Variants in ERC2 observed in about 807,000 individuals in gnomAD.
The protein encoded by ERC2 is ERC protein 2.
A neutral mutation model predicts 114.8 loss-of-function variants in ERC2; 42 were observed. That is an observed-to-expected ratio of 0.37 (90% confidence interval 0.29 to 0.47). ERC2 has a LOEUF of 0.47. Ranked by LOEUF, ERC2 falls within the 20% of genes least tolerant of loss-of-function variation. ERC2 has a pLI of 0.99. For missense variants in ERC2, 939 were observed against 1,150.7 expected, an observed-to-expected ratio of 0.82 and a Z score of 2.66; for synonymous variants, 454 against 425.5, an observed-to-expected ratio of 1.07 and a Z score of -0.82.
intron 2 of ERC2, among the ~76,000 whole-genome samples, chr3:56,348,941 A>G (rs1187666706): frequency 7.3e-5 from 10 of 137,756 alleles, no homozygotes; most frequent in South Asian, 4.8e-4. Context: ...GGAAGGAAGG[A>G]AGGAAGGAAG....
intron 13 of ERC2, among the ~76,000 whole-genome samples, chr3:55,903,863 T>C (rs79565533): frequency 0.019 from 2,905 of 152,268 alleles, 109 homozygotes; most frequent in African/African-American, 0.065. Context: ...GACTCCAGTG[T>C]GTACAAATGT....
At chr3:55,688,775 G>C (rs1413815111) in intron 16 of ERC2, among the ~76,000 whole-genome samples, 1 of 152,200 alleles carries the variant, frequency 6.6e-6, no homozygotes, top group Non-Finnish European at 1.5e-5. Context: ...ATGATTCTCA[G>C]ATGTGGGAAC....
chr3:55,590,666 A>G (rs765975126), intron 17 of ERC2, among the ~76,000 whole-genome samples: 38 of 152,228 alleles, frequency 2.5e-4, no homozygotes, highest in Non-Finnish European at 5.0e-4. Context: ...TTCTGTAAAA[A>G]TTGCATATGC....
chr3:55,553,261 C>T (rs954325026), intron 17 of ERC2, among the ~76,000 whole-genome samples: 1 of 151,618 alleles, frequency 6.6e-6, no homozygotes, highest in Non-Finnish European at 1.5e-5. Context: ...ACCTTGTGAT[C>T]CACCTGCCTC....
intron 15 of ERC2, among the ~76,000 whole-genome samples, chr3:55,699,964 A>C (rs1045947115): frequency 2.0e-5 from 3 of 152,208 alleles, no homozygotes; most frequent in African/African-American, 7.2e-5. Context: ...ATGGTCTCAC[A>C]AGACAAGGCA....
chr3:56,292,340 T>C (rs2150348976), intron 3 of ERC2, among the ~76,000 whole-genome samples: 1 of 151,730 alleles, frequency 6.6e-6, no homozygotes, highest in East Asian at 2.0e-4. Flanking sequence ...TCCCAGCACT[T>C]TGGAAGGCTG....
At chr3:55,987,174 G>C (rs1272432852) in intron 11 of ERC2, among the ~76,000 whole-genome samples, 1 of 152,196 alleles carries the variant, frequency 6.6e-6, no homozygotes, top group East Asian at 1.9e-4. Context: ...TCCCCCTGCA[G>C]AGTGTTTTGT....
chr3:56,172,564 G>A (rs899715128), intron 4 of ERC2, among the ~76,000 whole-genome samples: 2 of 152,100 alleles, frequency 1.3e-5, no homozygotes, highest in African/African-American at 4.8e-5. Context: ...GCAGGCCCAC[G>A]GTGACCAGCA....
intron 2 of ERC2, among the ~76,000 whole-genome samples, chr3:56,363,567 C>G (rs957120534): frequency 2.7e-4 from 41 of 152,058 alleles, no homozygotes; most frequent in Middle Eastern, 3.4e-3. Flanking sequence ...TTCTAGTGAC[C>G]AGAGTAACTA....
chr3:55,886,730 T>C (rs1000518979), intron 14 of ERC2, among the ~76,000 whole-genome samples: 1 of 152,246 alleles, frequency 6.6e-6, no homozygotes, highest in Non-Finnish European at 1.5e-5. Context: ...ATTACATAAG[T>C]TAATCTTTTA....
rs1262225625 is a variant in ERC2, at chr3:56,249,436, C to CCTG, written c.1074+46582_1074+46583insCAG. The stretch of plus-strand genomic sequence containing the variant: ...CGCCTCCCGGGTTCACGCCATTCTC[C>CCTG]TGCCTCAGCCTCCCGAGTAGCTGTG... On this transcript the variant is annotated intron_variant, in intron 3 of 17. Coordinates refer to ENST00000288221, the MANE Select transcript of ERC2 (RefSeq NM_015576.3). 5.0e-3 allele frequency among the ~76,000 whole-genome samples: 767 copies of CCTG among 152,156 alleles called. 6 individuals are homozygous for CCTG. Among genetic ancestry groups the CCTG allele is most frequent in the African/African-American group, 0.018 (740 of 41,504 alleles).
intron 15 of ERC2, among the ~76,000 whole-genome samples, chr3:55,700,098 G>A (rs2063143604): frequency 1.3e-5 from 2 of 152,236 alleles, no homozygotes; most frequent in Non-Finnish European, 1.5e-5. Flanking sequence ...TAAGGGAACT[G>A]AGCAAAAGGT....
At chr3:55,632,689 C>A (rs1389764046) in intron 17 of ERC2, among the ~76,000 whole-genome samples, 1 of 152,164 alleles carries the variant, frequency 6.6e-6, no homozygotes, top group East Asian at 1.9e-4. Flanking sequence ...CTCACCTAAA[C>A]CATCATTACA....
At chr3:56,340,536 G>A (rs1442874706) in intron 2 of ERC2, among the ~76,000 whole-genome samples, 27 of 122,538 alleles carry the variant, frequency 2.2e-4, no homozygotes, top group East Asian at 1.9e-3. Flanking sequence ...GAGAGAGAGA[G>A]AGTGAATGTG....
chr3:56,022,360 G>A (rs1186262251), intron 7 of ERC2, among the ~76,000 whole-genome samples: 3 of 152,284 alleles, frequency 2.0e-5, no homozygotes, highest in Non-Finnish European at 4.4e-5. Context: ...TTCATTGAGT[G>A]TAAACAGAAT....
At chr3:56,353,378 C>G (rs1051259651) in intron 2 of ERC2, among the ~76,000 whole-genome samples, 8 of 151,820 alleles carry the variant, frequency 5.3e-5, no homozygotes, top group Admixed American at 5.2e-4. Flanking sequence ...TGTCAGAAAA[C>G]TAAATATCCC....
chr3:56,255,979 C>T (rs2052488768), intron 3 of ERC2, among the ~76,000 whole-genome samples: 1 of 152,208 alleles, frequency 6.6e-6, no homozygotes, highest in African/African-American at 2.4e-5. Context: ...CAGCTTGAGA[C>T]ACAGCAGGTT....
chr3:55,859,842 A>G (rs1559775898), intron 14 of ERC2, among the ~76,000 whole-genome samples: 1 of 151,946 alleles, frequency 6.6e-6, no homozygotes, highest in Non-Finnish European at 1.5e-5. Context: ...TTTAGTACAG[A>G]CAGAAGACAA....
intron 7 of ERC2, among the ~76,000 whole-genome samples, chr3:56,049,856 GTGTGTA>G (rs1408460724): frequency 2.8e-5 from 4 of 141,310 alleles, no homozygotes; most frequent in Admixed American, 2.2e-4. Flanking sequence ...GTGTGTGTGT[GTGTGTA>G]TCCTATTGGT....
Sources: gnomAD v4.1 joint callset for allele counts (sites outside exome capture counted in the v4.1 genomes callset) on GRCh38, gnomAD v4.1.1 for gene constraint, MANE v1.5 for transcripts, NCBI Gene and HGNC (gene_info 2026-07-23, HGNC 2026-07-21) for gene names.